UBAP2L: variants seen among roughly 807,000 people sequenced by gnomAD.
The protein encoded by UBAP2L is ubiquitin-associated protein 2-like.
A neutral mutation model predicts 130.6 loss-of-function variants in UBAP2L; 12 were observed. The ratio of observed to expected loss-of-function variants is 0.09; its 90% CI spans 0.06 to 0.15. UBAP2L has a LOEUF of 0.15. UBAP2L is among the 10% of genes least tolerant of loss of function. The probability of loss-of-function intolerance (pLI) is 1.00; values close to 1 mark genes in which losing one functional copy is unlikely to be tolerated. For synonymous variants in UBAP2L, 503 were observed against 524.7 expected (o/e 0.96, Z 0.57); for missense variants, 965 against 1,332.5 (o/e 0.72, Z 4.29).
In UBAP2L at chr1:154,257,164, C is replaced by T. The variant is rs1447030486; in HGVS notation, c.2259C>T (p.Ser753=). The change falls in exon 19 of 27, where the codon TCC becomes TCT. Residue 753 remains serine, a synonymous_variant. Transcript: ENST00000428931. ...VSAPPPVVSV[S]SSLNSGSSLG... is the part of the protein sequence containing the mutation. Reference sequence around the variant, plus strand: ...CACCTCCCCCAGTGGTCAGTGTCTCCTCCAGTCTCAATAGTGGCAGTAGCC... The same window carrying T: ...CACCTCCCCCAGTGGTCAGTGTCTCTTCCAGTCTCAATAGTGGCAGTAGCC... 1 of 1,614,204 alleles carries T rather than the reference C, an allele frequency of 6.2e-7. No homozygotes were observed. The highest frequency in any genetic ancestry group is 8.5e-7 in the Non-Finnish European group (1 of 1,180,042).
chr1:154,228,195 T>A (rs969197681), intron 3 of UBAP2L, among the ~76,000 whole-genome samples: 1 of 152,018 alleles, frequency 6.6e-6, no homozygotes, highest in South Asian at 2.1e-4. Flanking sequence ...TTTTGTTTTT[T>A]TTTTTATTTT....
At chr1:154,254,214 G>T in intron 15 of UBAP2L, 125 bp downstream of exon 15, 1 of 897,028 alleles carries the variant, frequency 1.1e-6, no homozygotes, top group South Asian at 2.3e-5. Flanking sequence ...TTGAGAATTT[G>T]AAAAAGGCAC....
chr1:154,269,149 G>T, intron 26 of UBAP2L, 195 bp downstream of exon 26: 1 of 884,922 alleles, frequency 1.1e-6, no homozygotes, highest in African/African-American at 1.7e-5. Flanking sequence ...TCTCAGAGAA[G>T]GGCCGGGTTG....
At chr1:154,230,099 T>A (rs1669337354) in intron 4 of UBAP2L, among the ~76,000 whole-genome samples, 1 of 152,050 alleles carries the variant, frequency 6.6e-6, no homozygotes, top group Non-Finnish European at 1.5e-5. Context: ...CTCTGCCTCC[T>A]GGGTTCAAGC....
chr1:154,250,750 G>A (rs1213798701), intron 12 of UBAP2L, among the ~76,000 whole-genome samples: 1 of 151,540 alleles, frequency 6.6e-6, no homozygotes, highest in Non-Finnish European at 1.5e-5. Flanking sequence ...GCTACTCTGA[G>A]GCAAGAGAAT....
chr1:154,225,472 T>C (rs1487837025), intron 2 of UBAP2L, among the ~76,000 whole-genome samples: 1 of 152,090 alleles, frequency 6.6e-6, no homozygotes, highest in Non-Finnish European at 1.5e-5. Flanking sequence ...TTTATCTTTT[T>C]TTTTTTTGTT....
upstream of UBAP2L, chr1:154,220,342 C>T (rs1213657521): frequency 1.2e-6 from 2 of 1,614,082 alleles, no homozygotes; most frequent in African/African-American, 1.3e-5. Context: ...ATCTCCTCAC[C>T]AGGCTCCCGT....
Position 154,259,509 on chromosome 1 carries a change from T to C in UBAP2L, c.2497-439T>C, listed in dbSNP as rs1042873080. ...ACCCAGCCTTTTTTTTTTCTTTTTT[T>C]AAATCAGAGTTGTGGCATCTTAGTA... On this transcript the variant is annotated intron_variant, in intron 21 of 26. Transcript: ENST00000428931. Among the ~76,000 whole-genome samples the C allele has an allele frequency of 2.0e-5, 3 of 152,282 alleles. 1 individual carries two copies. Among genetic ancestry groups the C allele is most frequent in the African/African-American group, 7.2e-5 (3 of 41,552 alleles).
intron 2 of UBAP2L, 66 bp from the exon 3 acceptor site, chr1:154,227,216 A>G (rs1463972434): frequency 9.9e-6 from 14 of 1,418,174 alleles, no homozygotes; most frequent in Non-Finnish European, 1.3e-5. Context: ...GGCTGACGAA[A>G]TAGGTTCCTG....
intron 8 of UBAP2L, 152 bp from the exon 9 acceptor site, chr1:154,241,361 T>C: frequency 1.5e-6 from 1 of 656,096 alleles, no homozygotes; most frequent in South Asian, 1.8e-5. Flanking sequence ...GTATTAGGAT[T>C]ATAGGTGTGA....
intron 18 of UBAP2L, among the ~76,000 whole-genome samples, chr1:154,256,348 G>T (rs1679645101): frequency 6.6e-6 from 1 of 152,186 alleles, no homozygotes; most frequent in Admixed American, 6.5e-5. Context: ...TTTAAAGTCA[G>T]AATTGTGGAC....
upstream of UBAP2L, chr1:154,220,183 A>G: frequency 1.0e-6 from 1 of 954,238 alleles, no homozygotes; most frequent in Non-Finnish European, 1.7e-6. Context: ...GGTCGGCCCG[A>G]CTAAGTGACT....
Position 154,270,286 on chromosome 1 carries a change from G to C in UBAP2L, c.3255G>C (p.Gly1085=), listed in dbSNP as rs1446253004. The change falls in exon 27 of 27, where the codon GGG becomes GGC. Residue 1085 remains glycine (G), a synonymous_variant. Coordinates refer to ENST00000428931, the MANE Select transcript of UBAP2L (RefSeq NM_014847.4). The part of the protein sequence containing the change: ...NKSAYNSYSW[G]AN ...CTGCCTACAACAGCTACAGCTGGGGGGCCAACTGAGGCCCTGACCCTCTTC... is the reference window on the plus strand; with the variant it reads ...CTGCCTACAACAGCTACAGCTGGGGCGCCAACTGAGGCCCTGACCCTCTTC... 6.2e-7 allele frequency: 1 copy of C among 1,613,812 alleles called. No individual in the cohort carries two copies. Among genetic ancestry groups the C allele is most frequent in the African/African-American group, 1.3e-5 (1 of 74,900 alleles).
intron 16 of UBAP2L, 63 bp downstream of exon 16, chr1:154,254,953 A>C: frequency 6.5e-7 from 1 of 1,550,114 alleles, no homozygotes; most frequent in Non-Finnish European, 8.7e-7. Context: ...AATGGTGATA[A>C]TCCATTAGTT....
At chr1:154,268,093 T>C (rs891551570) in intron 25 of UBAP2L, among the ~76,000 whole-genome samples, 2 of 151,766 alleles carry the variant, frequency 1.3e-5, no homozygotes, top group African/African-American at 4.8e-5. Context: ...TTCTTCATGT[T>C]TGTCAGGCTG....
chr1:154,269,784 A>G (rs1684339563), intron 26 of UBAP2L: 1 of 220,866 alleles, frequency 4.5e-6, no homozygotes, highest in Non-Finnish European at 9.2e-6. Context: ...GAGCTCCATT[A>G]TAGGTGGCTG....
At chr1:154,262,966 C>A in intron 24 of UBAP2L, 1 of 810,774 alleles carries the variant, frequency 1.2e-6, no homozygotes, top group Non-Finnish European at 1.9e-6. Context: ...ATACCTGATT[C>A]TAGAAATCCC....
rs117918053 is a variant in UBAP2L at position 154,259,316 on chromosome 1, G to A, written c.2496+286G>A. On this transcript the variant is annotated intron_variant, in intron 21 of 26. Transcript: ENST00000428931. The stretch of plus-strand genomic sequence containing the variant: ...AAGCAATTGTCTGCCTCAGCCTTCC[G>A]AGTAGCTGGGATTAAAGGTGCCCAC... Among the ~76,000 whole-genome samples, 94 of 151,930 alleles carry A rather than the reference G, an allele frequency of 6.2e-4. 1 individual carries two copies. The East Asian group carries it at 0.016, about 27-fold the overall frequency.
rs190424975 is a variant in UBAP2L at position 154,244,518 on chromosome 1, A to G, written c.842+1216A>G. Among the ~76,000 whole-genome samples, 536 of 152,130 alleles carry G rather than the reference A, an allele frequency of 3.5e-3. 6 individuals are homozygous for G. The highest frequency in any genetic ancestry group is 2.8e-3 in the Non-Finnish European group (192 of 67,998). On this transcript the variant is annotated intron_variant, in intron 10 of 26. Transcript: ENST00000428931. ...CTCCCTAGTATCTGGGATTACAGGC[A>G]TGCACCACTATACCCAGCTAATTTT...
Sources: allele counts gnomAD v4.1 joint callset (sites outside exome capture counted in the v4.1 genomes callset), GRCh38; gene constraint gnomAD v4.1.1; transcripts MANE v1.5; gene names NCBI Gene and HGNC (gene_info 2026-07-23, HGNC 2026-07-21).